CAPZA1: variants seen among roughly 807,000 people sequenced by gnomAD.
CAPZA1 encodes F-actin-capping protein subunit alpha-1.
In CAPZA1, 10 loss-of-function variants were observed where a neutral mutation model predicts 40.8. The ratio of observed to expected loss-of-function variants is 0.25; its 90% CI spans 0.15 to 0.42. The LOEUF (loss-of-function observed/expected upper bound fraction) is 0.42. Among genes scored for constraint, CAPZA1 ranks in the 10% least tolerant of loss-of-function variants. The pLI is 1.00. For missense variants in CAPZA1, 277 were observed against 353.8 expected (o/e 0.78, Z 1.74); for synonymous variants, 98 against 115.0 (o/e 0.85, Z 0.95).
In CAPZA1 at chr1:112,648,791, C is replaced by T. The variant is rs899038509; in HGVS notation, c.104-627C>T. On this transcript the variant is annotated intron_variant, in intron 2 of 9. Transcript: ENST00000263168. Reference sequence around the variant, plus strand: ...CAGCCTGACCAACATGGTGAAACCCCGTCTCTACTAAAAATACAAAAATTA... The same window carrying T: ...CAGCCTGACCAACATGGTGAAACCCTGTCTCTACTAAAAATACAAAAATTA... Among the ~76,000 whole-genome samples the T allele has an allele frequency of 3.9e-5, 6 of 151,978 alleles. No homozygotes were observed. In the South Asian group the frequency reaches 6.2e-4, roughly 16 times the overall value.
rs931634730 is a variant in CAPZA1 at position 112,668,087 on chromosome 1, C to T, written c.657+942C>T. Among the ~76,000 whole-genome samples the T allele has an allele frequency of 2.0e-5, 3 of 151,820 alleles. No individual in the cohort carries two copies. The East Asian group carries it at 5.8e-4, about 30-fold the overall frequency. ...AAAGCTTGAGCTCAGGAGTTCAAGACCAGCCTGAGCAACACGGTGAAACCC... is the reference window on the plus strand; with the variant it reads ...AAAGCTTGAGCTCAGGAGTTCAAGATCAGCCTGAGCAACACGGTGAAACCC... On this transcript the variant is annotated intron_variant, in intron 8 of 9. Coordinates refer to ENST00000263168, the MANE Select transcript of CAPZA1 (RefSeq NM_006135.3).
chr1:112,649,918 C>G (rs1046328523), intron 3 of CAPZA1: 1 of 158,584 alleles, frequency 6.3e-6, no homozygotes, highest in Non-Finnish European at 1.4e-5. Flanking sequence ...TGACTCCTTA[C>G]CACTCTGAAG....
chr1:112,644,354 C>G lies in CAPZA1; in HGVS notation c.40-2856C>G, dbSNP rs140531996. 2.8e-4 allele frequency among the ~76,000 whole-genome samples: 42 copies of G among 151,876 alleles called. No individual in the cohort carries two copies. The East Asian group carries it at 7.9e-3, about 29-fold the overall frequency. On this transcript the variant is annotated intron_variant, in intron 1 of 9. Coordinates refer to ENST00000263168, the MANE Select transcript of CAPZA1 (RefSeq NM_006135.3). ...TACAGGTACCCACCACCACACCCAG[C>G]TAATTCTTGTATTTTTGGTAGAGAT...
At chr1:112,632,527 G>C (rs1220288579) in intron 1 of CAPZA1, among the ~76,000 whole-genome samples, 1 of 152,078 alleles carries the variant, frequency 6.6e-6, no homozygotes, top group African/African-American at 2.4e-5. Flanking sequence ...GCAGATTCTT[G>C]CTAAAACTGG....
At chr1:112,623,229 C>G (rs1319724996) in intron 1 of CAPZA1, among the ~76,000 whole-genome samples, 2 of 152,114 alleles carry the variant, frequency 1.3e-5, no homozygotes, top group African/African-American at 4.8e-5. Context: ...GTATTACCTC[C>G]TTAATTTACT....
intron 1 of CAPZA1, among the ~76,000 whole-genome samples, chr1:112,630,300 G>A (rs947286358): frequency 3.3e-5 from 5 of 151,560 alleles, no homozygotes; most frequent in Non-Finnish European, 5.9e-5. Flanking sequence ...CTTGGCACTC[G>A]GCCCTGGCAA....
At chr1:112,635,005 A>G (rs1399275974) in intron 1 of CAPZA1, among the ~76,000 whole-genome samples, 5 of 152,182 alleles carry the variant, frequency 3.3e-5, no homozygotes, top group Non-Finnish European at 5.9e-5. Context: ...ATTGCCTGCC[A>G]TGTGTAATTT....
chr1:112,667,878 C>G (rs535539923), intron 8 of CAPZA1, among the ~76,000 whole-genome samples: 15 of 152,136 alleles, frequency 9.9e-5, no homozygotes, highest in African/African-American at 3.6e-4. Context: ...TTTGTTCTTG[C>G]ATTTCTTTGA....
intron 3 of CAPZA1, among the ~76,000 whole-genome samples, chr1:112,652,349 G>A (rs1557734449): frequency 1.3e-5 from 2 of 151,056 alleles, no homozygotes; most frequent in African/African-American, 4.9e-5. Flanking sequence ...GGGCATGGTG[G>A]CACATGGTAA....
At chr1:112,644,857 A>G (rs901597994) in intron 1 of CAPZA1, among the ~76,000 whole-genome samples, 1 of 152,242 alleles carries the variant, frequency 6.6e-6, no homozygotes, top group Non-Finnish European at 1.5e-5. Flanking sequence ...CCAAATGCCA[A>G]ATAGATAGGA....
intron 5 of CAPZA1, among the ~76,000 whole-genome samples, chr1:112,655,952 A>G (rs1026585847): frequency 4.6e-5 from 7 of 152,170 alleles, no homozygotes; most frequent in Non-Finnish European, 1.0e-4. Flanking sequence ...ATTAAGAAAA[A>G]TATTGATTAG....
At chr1:112,624,625 AAAAAAAG>A (rs1337840471) in intron 1 of CAPZA1, among the ~76,000 whole-genome samples, 3 of 150,370 alleles carry the variant, frequency 2.0e-5, no homozygotes, top group African/African-American at 7.3e-5. Context: ...AAAAAAAAAA[AAAAAAAG>A]AGGTATTATG....
chr1:112,651,949 G>A (rs763404434), intron 3 of CAPZA1, among the ~76,000 whole-genome samples: 3 of 151,458 alleles, frequency 2.0e-5, no homozygotes, highest in East Asian at 2.0e-4. Context: ...GACTCCCCCC[G>A]ATCTCTAAAG....
At chr1:112,628,144 C>T (rs150446065) in intron 1 of CAPZA1, among the ~76,000 whole-genome samples, 1 of 152,288 alleles carries the variant, frequency 6.6e-6, no homozygotes, top group African/African-American at 2.4e-5. Context: ...AACATCCTTG[C>T]CTATGGCAGA....
In CAPZA1 at chr1:112,632,551, A is replaced by G. The variant is rs192388975; in HGVS notation, c.39+12668A>G. Reference sequence around the variant, plus strand: ...TGCTAAAACTGGGCTAGGCAGGCCAAAGACAGGGGGATGTGGGGCAGGGAG... The same window carrying G: ...TGCTAAAACTGGGCTAGGCAGGCCAGAGACAGGGGGATGTGGGGCAGGGAG... On this transcript the variant is annotated intron_variant, in intron 1 of 9. Coordinates refer to ENST00000263168, the MANE Select transcript of CAPZA1 (RefSeq NM_006135.3). 4.8e-3 allele frequency among the ~76,000 whole-genome samples: 735 copies of G among 152,268 alleles called. 2 individuals are homozygous for G. The highest frequency in any genetic ancestry group is 6.9e-3 in the Non-Finnish European group (468 of 68,018).
In CAPZA1 at chr1:112,659,963, T is replaced by C. The variant is rs114534388; in HGVS notation, c.585+184T>C. ...AGAGCTATTCTGAGTTGATAAAGGA[T>C]AGCATGTAGAGTGTATGGCAACATG... On this transcript the variant is annotated intron_variant, in intron 7 of 9. Transcript: ENST00000263168. 9.3e-3 allele frequency among the ~76,000 whole-genome samples: 1,408 copies of C among 152,168 alleles called. 6 individuals carry two copies. The highest frequency in any genetic ancestry group is 0.013 in the Non-Finnish European group (853 of 67,998).
At chr1:112,650,824 G>T (rs994399053) in intron 3 of CAPZA1, among the ~76,000 whole-genome samples, 1 of 152,090 alleles carries the variant, frequency 6.6e-6, no homozygotes, top group African/African-American at 2.4e-5. Flanking sequence ...GTAGCTTCTC[G>T]GCCTTTTGGC....
At chr1:112,662,395 C>CTTTTTT (rs35100851) in intron 7 of CAPZA1, among the ~76,000 whole-genome samples, 20 of 97,254 alleles carry the variant, frequency 2.1e-4, no homozygotes, top group East Asian at 3.0e-4. Context: ...TAGAATTTTT[C>CTTTTTT]TTTTTTTTTT....
In CAPZA1 at chr1:112,670,157, A is replaced by G. The variant is rs368445388; in HGVS notation, c.*25A>G. 1.2e-6 allele frequency: 2 copies of G among 1,612,582 alleles called. No individual in the cohort carries two copies. The highest frequency in any genetic ancestry group is 2.7e-5 in the African/African-American group (2 of 74,904). On this transcript the variant is annotated 3_prime_UTR_variant, in exon 10 of 10. Coordinates refer to ENST00000263168, the MANE Select transcript of CAPZA1 (RefSeq NM_006135.3). The stretch of plus-strand genomic sequence containing the variant: ...AAGGCTGAATGTAGGATTCTTCAGT[A>G]TGTGGAAAGACAAGGATTCAACGTG...
Sources: gnomAD v4.1 joint callset for allele counts (sites outside exome capture counted in the v4.1 genomes callset) on GRCh38, gnomAD v4.1.1 for gene constraint, MANE v1.5 for transcripts, NCBI Gene and HGNC (gene_info 2026-07-23, HGNC 2026-07-21) for gene names.